The following HMBOX1 variants were observed in gnomAD, a reference collection of about 807,000 sequenced individuals.
HMBOX1 encodes the protein homeobox-containing protein 1.
In HMBOX1, 14 loss-of-function variants were observed where a neutral mutation model predicts 54.5. The observed-to-expected ratio is 0.26, with a 90% confidence interval of 0.17 to 0.40. The LOEUF (loss-of-function observed/expected upper bound fraction) is 0.40. Ranked by LOEUF, HMBOX1 falls within the 10% of genes least tolerant of loss-of-function variation. HMBOX1 has a pLI of 1.00. For missense variants in HMBOX1, 332 were observed against 514.4 expected (o/e 0.65, Z 3.43); for synonymous variants, 160 against 181.0 (o/e 0.88, Z 0.93).
At chr8:29,036,943 T>C (rs985965806) in intron 6 of HMBOX1, among the ~76,000 whole-genome samples, 1 of 152,106 alleles carries the variant, frequency 6.6e-6, no homozygotes, top group Non-Finnish European at 1.5e-5. Context: ...CCAGGTGTAA[T>C]GAGCTGTGTT....
chr8:28,896,604 G>T (rs1419615402), intron 1 of HMBOX1, among the ~76,000 whole-genome samples: 1 of 148,764 alleles, frequency 6.7e-6, no homozygotes, highest in Non-Finnish European at 1.5e-5. Context: ...TATGACAGTG[G>T]TCCCATAAGA....
chr8:29,022,098 C>T (rs968112803), intron 6 of HMBOX1, among the ~76,000 whole-genome samples: 1 of 152,064 alleles, frequency 6.6e-6, no homozygotes, highest in African/African-American at 2.4e-5. Context: ...TATGAGTTTA[C>T]CCTTTGACTT....
chr8:29,049,089 G>A, intron 9 of HMBOX1, 41 bp downstream of exon 9: 1 of 1,582,866 alleles, frequency 6.3e-7, no homozygotes, highest in South Asian at 1.1e-5. Context: ...TGGTGCCTGA[G>A]CAGGGGGTAT....
chr8:29,006,536 C>T (rs564507854), intron 4 of HMBOX1, among the ~76,000 whole-genome samples: 6 of 152,292 alleles, frequency 3.9e-5, no homozygotes, highest in Admixed American at 6.5e-5. Flanking sequence ...GTGTGAGAAT[C>T]GTATATGCTC....
In HMBOX1 at chr8:28,999,738, T is replaced by C. The variant is rs552973343; in HGVS notation, c.587-9334T>C. ...TTCCAAAATTTCTATTTGGTTCTTA[T>C]AATTTTTGTCTGTTTATTGATATTC... On this transcript the variant is annotated intron_variant, in intron 4 of 9. Transcript: ENST00000287701. Among the ~76,000 whole-genome samples, 7 of 152,276 alleles carry C rather than the reference T, an allele frequency of 4.6e-5. No individual in the cohort carries two copies. The East Asian group carries it at 1.3e-3, about 29-fold the overall frequency.
At chr8:28,967,312 T>G (rs1245276261) in intron 2 of HMBOX1, among the ~76,000 whole-genome samples, 1 of 152,232 alleles carries the variant, frequency 6.6e-6, no homozygotes, top group Non-Finnish European at 1.5e-5. Context: ...GTTTCTCCTT[T>G]TATGACTTGG....
At chr8:28,925,365 T>A (rs551615040) in intron 1 of HMBOX1, among the ~76,000 whole-genome samples, 17 of 152,284 alleles carry the variant, frequency 1.1e-4, no homozygotes, top group Non-Finnish European at 1.5e-4. Flanking sequence ...ACTGTTTTGT[T>A]TTTTTTCTTC....
chr8:28,942,420 C>T (rs1035549388), intron 1 of HMBOX1, among the ~76,000 whole-genome samples: 4 of 152,184 alleles, frequency 2.6e-5, no homozygotes, highest in East Asian at 1.9e-4. Flanking sequence ...TAACCTGCTA[C>T]AGAATTCAAA....
At chr8:28,916,239 A>G (rs898293170) in intron 1 of HMBOX1, among the ~76,000 whole-genome samples, 15 of 152,194 alleles carry the variant, frequency 9.9e-5, no homozygotes, top group Non-Finnish European at 1.6e-4. Context: ...ATCCCTCAGC[A>G]GATGTCACCA....
chr8:28,925,164 G>A (rs73241108), intron 1 of HMBOX1, among the ~76,000 whole-genome samples: 111 of 152,116 alleles, frequency 7.3e-4, no homozygotes, highest in Admixed American at 2.6e-3. Context: ...AAGTTATATC[G>A]TTCAAATCTC....
chr8:28,958,786 T>C (rs1338704263), intron 1 of HMBOX1, among the ~76,000 whole-genome samples: 2 of 152,218 alleles, frequency 1.3e-5, no homozygotes, highest in Non-Finnish European at 2.9e-5. Context: ...AGAGTGTTTT[T>C]TTCTCTAGTC....
intron 4 of HMBOX1, among the ~76,000 whole-genome samples, chr8:28,999,669 A>G (rs1037828979): frequency 7.2e-5 from 11 of 152,038 alleles, no homozygotes; most frequent in African/African-American, 2.7e-4. Flanking sequence ...TCTACCGTTG[A>G]GTCCTTTTAG....
At chr8:28,981,225 G>T (rs1175892138) in intron 4 of HMBOX1, among the ~76,000 whole-genome samples, 1 of 151,994 alleles carries the variant, frequency 6.6e-6, no homozygotes, top group Non-Finnish European at 1.5e-5. Flanking sequence ...TAGTGTGTGT[G>T]TTTAATATAT....
intron 1 of HMBOX1, among the ~76,000 whole-genome samples, chr8:28,960,765 CTTTTTTTTTTTTTTTTTTTTTTTT>C (rs1162477676): frequency 6.2e-5 from 1 of 16,260 alleles, no homozygotes; most frequent in Admixed American, 1.0e-3. Flanking sequence ...TTTTCTTTTT[CTTTTTTTTTTTTTTTTTTTTTTTT>C]TTTTTTTTTT....
intron 1 of HMBOX1, among the ~76,000 whole-genome samples, chr8:28,929,962 CTG>C (rs1819206948): frequency 7.8e-6 from 1 of 127,774 alleles, no homozygotes; most frequent in Non-Finnish European, 1.6e-5. Context: ...AATGGAGACT[CTG>C]TAATCATAAG....
chr8:28,990,933 C>A (rs762492451), intron 4 of HMBOX1, among the ~76,000 whole-genome samples: 1 of 152,128 alleles, frequency 6.6e-6, no homozygotes, highest in Non-Finnish European at 1.5e-5. Flanking sequence ...GGATTACAGG[C>A]GTGAGCTGCT....
At chr8:28,987,680 A>G (rs1830365281) in intron 4 of HMBOX1, among the ~76,000 whole-genome samples, 1 of 152,164 alleles carries the variant, frequency 6.6e-6, no homozygotes, top group South Asian at 2.1e-4. Flanking sequence ...TTTGTCAGGA[A>G]GATGTAACAC....
chr8:28,996,995 G>A (rs996217342), intron 4 of HMBOX1, among the ~76,000 whole-genome samples: 2 of 152,118 alleles, frequency 1.3e-5, no homozygotes, highest in Non-Finnish European at 2.9e-5. Flanking sequence ...AATGGGGTGT[G>A]TGTGTGTGTG....
chr8:28,917,845 T>C (rs938699631), intron 1 of HMBOX1, among the ~76,000 whole-genome samples: 6 of 152,244 alleles, frequency 3.9e-5, no homozygotes, highest in African/African-American at 1.4e-4. Context: ...TTTTGAATAC[T>C]GAATAAACCT....
Sources: allele counts gnomAD v4.1 joint callset (sites outside exome capture counted in the v4.1 genomes callset), GRCh38; gene constraint gnomAD v4.1.1; transcripts MANE v1.5; gene names NCBI Gene and HGNC (gene_info 2026-07-23, HGNC 2026-07-21).